The following OPCML variants were observed in gnomAD, a reference collection of about 807,000 sequenced individuals.
OPCML encodes opioid binding protein/cell adhesion molecule like, also known as opioid-binding protein/cell adhesion molecule.
In OPCML, 13 loss-of-function variants were observed where a neutral mutation model predicts 37.8. That is an observed-to-expected ratio of 0.34 (90% CI 0.22 to 0.55). The LOEUF (loss-of-function observed/expected upper bound fraction) is 0.55, where lower values mean the gene tolerates loss of function less well. OPCML is among the 20% of genes least tolerant of loss of function. OPCML has a pLI of 0.91. For missense variants in OPCML, 341 were observed against 435.6 expected (o/e 0.78, Z 1.93); for synonymous variants, 176 against 168.8 (o/e 1.04, Z -0.33).
At chr11:133,123,357 T>C (rs1353864536) in intron 1 of OPCML, among the ~76,000 whole-genome samples, 1 of 152,202 alleles carries the variant, frequency 6.6e-6, no homozygotes, top group Non-Finnish European at 1.5e-5. Flanking sequence ...CTAGGGACCA[T>C]ATTGTTGTTT....
chr11:132,564,614 CA>C (rs1483918843), intron 3 of OPCML, among the ~76,000 whole-genome samples: 1 of 152,050 alleles, frequency 6.6e-6, no homozygotes, highest in Non-Finnish European at 1.5e-5. Context: ...ATGAGTGTGA[CA>C]GGCGCTTAGA....
At chr11:133,187,695 C>T (rs780976243) in intron 1 of OPCML, among the ~76,000 whole-genome samples, 6 of 152,088 alleles carry the variant, frequency 3.9e-5, no homozygotes, top group Non-Finnish European at 8.8e-5. Flanking sequence ...CTAGAGCTAC[C>T]GTGCTTAGGA....
intron 2 of OPCML, among the ~76,000 whole-genome samples, chr11:132,777,070 T>G (rs1036515108): frequency 6.6e-6 from 1 of 152,182 alleles, no homozygotes; most frequent in Admixed American, 6.5e-5. Context: ...AAGGAGACCT[T>G]ACTTCTCCAA....
chr11:133,399,262 T>C (rs1045053401), intron 1 of OPCML, among the ~76,000 whole-genome samples: 1 of 152,212 alleles, frequency 6.6e-6, no homozygotes, highest in Non-Finnish European at 1.5e-5. Context: ...GCCATCTCTA[T>C]TGATGACGCG....
rs1157859281 is a variant in OPCML at position 132,576,506 on chromosome 11, T to C, written c.380-47320A>G. 2.0e-5 allele frequency among the ~76,000 whole-genome samples: 3 copies of C among 152,160 alleles called. No homozygotes were observed. In the East Asian group the frequency reaches 5.8e-4, roughly 29 times the overall value. The stretch of plus-strand genomic sequence containing the variant: ...GCATTTAAAAAATATTTGTATCTCT[T>C]TGTTGAAATTGTCACCTTGTTCATC... On this transcript the variant is annotated intron_variant, in intron 3 of 7. Transcript: ENST00000524381.
intron 1 of OPCML, among the ~76,000 whole-genome samples, chr11:133,457,959 A>C (rs932517877): frequency 6.6e-6 from 1 of 152,006 alleles, no homozygotes; most frequent in Non-Finnish European, 1.5e-5. Flanking sequence ...AGCCTGGCCA[A>C]CATGGTGAAA....
intron 1 of OPCML, among the ~76,000 whole-genome samples, chr11:133,069,534 G>C (rs1370720608): frequency 1.3e-5 from 2 of 152,180 alleles, no homozygotes; most frequent in Non-Finnish European, 2.9e-5. Context: ...AGACACCCCT[G>C]AATGATGTGT....
intron 2 of OPCML, among the ~76,000 whole-genome samples, chr11:132,931,222 A>G (rs538474684): frequency 6.6e-6 from 1 of 152,260 alleles, no homozygotes; most frequent in Admixed American, 6.5e-5. Flanking sequence ...AAATTTTAAG[A>G]TAGGAAAAAA....
At chr11:132,580,826 A>G (rs1356140642) in intron 3 of OPCML, among the ~76,000 whole-genome samples, 1 of 152,176 alleles carries the variant, frequency 6.6e-6, no homozygotes, top group Non-Finnish European at 1.5e-5. Context: ...AACCAAATCA[A>G]TGTGCACTGG....
At chr11:133,490,968 T>C (rs1053773837) in intron 1 of OPCML, among the ~76,000 whole-genome samples, 15 of 152,276 alleles carry the variant, frequency 9.9e-5, no homozygotes, top group African/African-American at 3.6e-4. Context: ...GAAGGCAGAA[T>C]TGCTAAGTGT....
chr11:132,777,632 T>G (rs1946851443), intron 2 of OPCML, among the ~76,000 whole-genome samples: 1 of 152,208 alleles, frequency 6.6e-6, no homozygotes, highest in African/African-American at 2.4e-5. Flanking sequence ...ATCACACAGC[T>G]AGCTGTTCCC....
At chr11:132,620,053 C>G (rs978992734) in intron 3 of OPCML, among the ~76,000 whole-genome samples, 24 of 152,028 alleles carry the variant, frequency 1.6e-4, no homozygotes, top group African/African-American at 2.9e-4. Flanking sequence ...TTAGAGCATG[C>G]CTTTCTTTGA....
At chr11:133,144,509 A>G (rs1949870898) in intron 1 of OPCML, among the ~76,000 whole-genome samples, 1 of 152,220 alleles carries the variant, frequency 6.6e-6, no homozygotes, top group Non-Finnish European at 1.5e-5. Context: ...GTGAGAACCT[A>G]TCAAGAGTGT....
intron 1 of OPCML, chr11:133,005,951 A>T (rs1353899348): frequency 1.0e-6 from 1 of 985,314 alleles, no homozygotes; most frequent in Non-Finnish European, 1.2e-6. Context: ...GGATGTGTGC[A>T]GCTTCCAGGA....
At chr11:132,841,860 C>CAAAAAAAAAAAAAAAAAAAAA (rs71067402) in intron 2 of OPCML, among the ~76,000 whole-genome samples, 2 of 34,694 alleles carry the variant, frequency 5.8e-5, no homozygotes, top group Non-Finnish European at 9.7e-5. Context: ...CACTCTATCT[C>CAAAAAAAAAAAAAAAAAAAAA]AAAAAAAAAA....
At chr11:133,260,517 G>C (rs1278331170) in intron 1 of OPCML, among the ~76,000 whole-genome samples, 3 of 152,108 alleles carry the variant, frequency 2.0e-5, no homozygotes, top group Non-Finnish European at 4.4e-5. Context: ...TTTGCATCTG[G>C]ACTGAATGTG....
At chr11:132,947,909 T>G (rs569034509) in intron 1 of OPCML, among the ~76,000 whole-genome samples, 1 of 152,354 alleles carries the variant, frequency 6.6e-6, no homozygotes, top group African/African-American at 2.4e-5. Context: ...GTATCCCAAA[T>G]CTGGACATCT....
intron 1 of OPCML, among the ~76,000 whole-genome samples, chr11:133,086,346 G>T (rs1055323724): frequency 6.6e-6 from 1 of 151,990 alleles, no homozygotes; most frequent in African/African-American, 2.4e-5. Flanking sequence ...CTTTGCAAGG[G>T]ACATCAACTT....
chr11:132,985,888 A>C (rs752151024), intron 1 of OPCML, among the ~76,000 whole-genome samples: 9 of 152,048 alleles, frequency 5.9e-5, no homozygotes, highest in Non-Finnish European at 1.3e-4. Flanking sequence ...TTGGTTTTCC[A>C]ATTGTCTCTC....
Sources: gnomAD v4.1 joint callset for allele counts (sites outside exome capture counted in the v4.1 genomes callset) on GRCh38, gnomAD v4.1.1 for gene constraint, MANE v1.5 for transcripts, NCBI Gene and HGNC (gene_info 2026-07-23, HGNC 2026-07-21) for gene names.